The following TEX10 variants were observed in gnomAD, a reference collection of about 807,000 sequenced individuals.
TEX10 encodes testis-expressed protein 10.
TEX10 carries 24 observed loss-of-function variants against 104.4 expected under a neutral mutation model. The observed-to-expected ratio is 0.23, with a 90% CI of 0.17 to 0.32. TEX10 has a LOEUF of 0.32. Ranked by LOEUF, TEX10 falls within the 10% of genes least tolerant of loss-of-function variation. The probability of loss-of-function intolerance (pLI) is 1.00; values close to 1 mark genes in which losing one functional copy is unlikely to be tolerated. For missense variants in TEX10, 921 were observed against 1,083.9 expected, an observed-to-expected ratio of 0.85 and a Z score of 2.11; for synonymous variants, 396 against 393.4, an observed-to-expected ratio of 1.01 and a Z score of -0.08.
Position 100,352,933 on chromosome 9 carries a change from G to T in TEX10, c.-171C>A. 1 of 991,692 alleles carries T rather than the reference G, an allele frequency of 1.0e-6. No homozygotes were observed. The highest frequency in any genetic ancestry group is 1.2e-6 in the Non-Finnish European group (1 of 834,640). The allele number at this position is 991,692 out of a possible 1,614,324, so 61.4% of individuals were successfully genotyped here. On this transcript the variant is annotated 5_prime_UTR_variant, in exon 1 of 15. Coordinates refer to ENST00000374902, the MANE Select transcript of TEX10 (RefSeq NM_017746.4). Reference sequence around the variant, plus strand: ...GCGGCCGCGTCTCCTTCCGCCGCCCGGAAATCAGGGCCCCTCCCCCTCCCT... The same window carrying T: ...GCGGCCGCGTCTCCTTCCGCCGCCCTGAAATCAGGGCCCCTCCCCCTCCCT...
Position 100,302,158 on chromosome 9 carries a change from AAAC to A in TEX10, c.*30_*32del, listed in dbSNP as rs748189853. 1.0e-5 allele frequency: 13 copies of A among 1,300,674 alleles called. No homozygotes were observed. In the African/African-American group the frequency reaches 1.9e-4, roughly 19 times the overall value. 80.6% of individuals were successfully genotyped at this position (1,300,674 alleles called of 1,614,324 possible). The stretch of plus-strand genomic sequence containing the variant: ...TTCTTCAAATAAGATAGATGTGAAT[AAAC>A]AACTTCAAACAGGAGGTACTATGGC... On this transcript the variant is annotated 3_prime_UTR_variant, in exon 15 of 15. Coordinates refer to ENST00000374902, the MANE Select transcript of TEX10 (RefSeq NM_017746.4).
chr9:100,340,773 T>C (rs1282377162), intron 4 of TEX10, among the ~76,000 whole-genome samples: 1 of 152,266 alleles, frequency 6.6e-6, no homozygotes, highest in Non-Finnish European at 1.5e-5. Flanking sequence ...GCAATGCATT[T>C]ACTTAAAATG....
chr9:100,337,319 T>C (rs796863975), intron 5 of TEX10, among the ~76,000 whole-genome samples: 1 of 152,362 alleles, frequency 6.6e-6, no homozygotes, highest in East Asian at 1.9e-4. Context: ...GATACATTTT[T>C]CAATAATTTA....
At chr9:100,332,872 A>G (rs1471478412) in intron 5 of TEX10, among the ~76,000 whole-genome samples, 1 of 152,096 alleles carries the variant, frequency 6.6e-6, no homozygotes, top group African/African-American at 2.4e-5. Context: ...TCCAGCACTC[A>G]AGGTTTAGTC....
At chr9:100,324,028 C>T (rs1218915840) in intron 9 of TEX10, among the ~76,000 whole-genome samples, 1 of 152,006 alleles carries the variant, frequency 6.6e-6, no homozygotes, top group African/African-American at 2.4e-5. Flanking sequence ...TCTGAATGAA[C>T]TAACCGTCAG....
At chr9:100,329,001 C>A in intron 7 of TEX10, 139 bp downstream of exon 7, 1 of 955,784 alleles carries the variant, frequency 1.0e-6, no homozygotes, top group Non-Finnish European at 1.5e-6. Flanking sequence ...AAATTTTATA[C>A]CATTTCTTAA....
At chr9:100,307,679 T>C (rs1372449281) in intron 13 of TEX10, 1 of 152,144 alleles carries the variant, frequency 6.6e-6, no homozygotes, top group African/African-American at 2.4e-5. Context: ...GAGGGGTACG[T>C]AGAAGACATT....
At chr9:100,332,639 G>C (rs889310551) in intron 5 of TEX10, among the ~76,000 whole-genome samples, 2 of 151,964 alleles carry the variant, frequency 1.3e-5, no homozygotes, top group Admixed American at 6.6e-5. Flanking sequence ...GGCTAACACG[G>C]TGAAACCCCA....
chr9:100,311,175 C>G (rs977817121), intron 11 of TEX10, among the ~76,000 whole-genome samples: 2 of 151,838 alleles, frequency 1.3e-5, no homozygotes, highest in Non-Finnish European at 2.9e-5. Flanking sequence ...GGTGGGAGGA[C>G]TGCTCAAGCC....
At position 100,313,617 on chromosome 9, in the gene TEX10, G is replaced by A. The variant is rs192857471; in HGVS notation, c.2203-3238C>T. Among the ~76,000 whole-genome samples the A allele has an allele frequency of 2.6e-5, 4 of 152,172 alleles. No individual in the cohort carries two copies. The East Asian group carries it at 7.7e-4, about 29-fold the overall frequency. On this transcript the variant is annotated intron_variant, in intron 11 of 14. Transcript: ENST00000374902. ...TAATTCCAGCACTTTGGGAGGCCAA[G>A]GCAGGCAGATCACTTGAGGTCAGGA... is the stretch of plus-strand genomic sequence containing the variant.
At chr9:100,322,349 C>G (rs1164655394) in intron 9 of TEX10, among the ~76,000 whole-genome samples, 1 of 152,172 alleles carries the variant, frequency 6.6e-6, no homozygotes, top group Non-Finnish European at 1.5e-5. Flanking sequence ...TGTAAAGCAG[C>G]TTCCCATTAA....
In TEX10 at chr9:100,321,724, C is replaced by T; in HGVS notation, c.2027G>A (p.Ser676Asn). 1 of 1,612,650 alleles carries T rather than the reference C, an allele frequency of 6.2e-7. No homozygotes were observed. The highest frequency in any genetic ancestry group is 8.5e-7 in the Non-Finnish European group (1 of 1,179,716). ...TAAGAAGCTGAAATAGTCTACATCA[C>T]TCATCAACCAGTCTTTAGCTGAATA... ...WKYSAKDWLM[S>N]DVDYFSFLFS... Residue 676 changes from serine to asparagine, a missense_variant, in exon 10 of 15, where the codon AGT becomes AAT. Ser to Asn is a conservative substitution (Grantham distance 46). Coordinates refer to ENST00000374902, the MANE Select transcript of TEX10 (RefSeq NM_017746.4).
intron 5 of TEX10, among the ~76,000 whole-genome samples, chr9:100,336,115 T>C (rs28464821): frequency 0.45 from 68,954 of 151,754 alleles, 17,354 homozygotes; most frequent in East Asian, 0.89. Context: ...TGCAGTGAGC[T>C]GAGATAGTGC....
intron 11 of TEX10, 122 bp from the exon 12 acceptor site, chr9:100,310,501 C>T: frequency 2.3e-6 from 2 of 865,176 alleles, no homozygotes; most frequent in East Asian, 2.8e-5. Context: ...TGCAGTGATG[C>T]AGTCTCAGCT....
rs748290674 is a variant in TEX10 at position 100,326,313 on chromosome 9, T to C, written c.1968A>G (p.Ile656Met). The change falls in exon 9 of 15, where the codon ATA (isoleucine) becomes ATG (methionine). Residue 656 changes from isoleucine (I) to methionine (M), a missense_variant. Physicochemically the swap from Ile to Met is conservative, Grantham distance 10 (BLOSUM62 1). Transcript: ENST00000374902. ...CTTGAGCATGCTACCTCATGTGCAG[T>C]ATCCCGATAAGCATGGCAGCCAAAC... The part of the protein sequence containing the change: ...SSSLAAMLIG[I>M]LHMRSSFSGW... 1.9e-6 allele frequency: 3 copies of C among 1,613,714 alleles called. No homozygotes were observed. In the East Asian group the frequency reaches 6.7e-5, roughly 36 times the overall value.
intron 7 of TEX10, among the ~76,000 whole-genome samples, chr9:100,328,565 T>G (rs1473457531): frequency 6.6e-6 from 1 of 152,224 alleles, no homozygotes; most frequent in African/African-American, 2.4e-5. Flanking sequence ...ATTGAGATTA[T>G]GTAAAGTAAC....
chr9:100,303,633 G>A lies in TEX10; in HGVS notation c.2675C>T (p.Thr892Met), dbSNP rs371930194. The change falls in exon 14 of 15, where the codon ACG becomes ATG. Residue 892 changes from threonine to methionine, a missense_variant and splice_region_variant. Thr to Met is a moderately conservative substitution (Grantham distance 81). This residue lies in a region of TEX10 where 753 missense variants were observed against 868.4 expected (regional missense o/e 0.87). Coordinates refer to ENST00000374902, the MANE Select transcript of TEX10 (RefSeq NM_017746.4). ...AGCCTCCGGTACCATGCTTCTTACC[G>A]TGATATTCTTGATGATCTGCTGCAC... ...ILVQQIIKNI[T>M]TLKSGSVQEQ... 2.4e-5 allele frequency: 39 copies of A among 1,613,604 alleles called. No individual in the cohort carries two copies. The highest frequency in any genetic ancestry group is 3.1e-5 in the Non-Finnish European group (36 of 1,179,950).
intron 13 of TEX10, chr9:100,306,017 C>A (rs1268752500): frequency 1.3e-5 from 2 of 151,930 alleles, no homozygotes; most frequent in Admixed American, 6.6e-5. Flanking sequence ...ATGGAACTAA[C>A]AAGAACTTTA....
Position 100,347,422 on chromosome 9 carries a change from C to A in TEX10, c.181-16G>T, listed in dbSNP as rs541118737. 6.5e-7 allele frequency: 1 copy of A among 1,535,020 alleles called. No individual in the cohort carries two copies. The highest frequency in any genetic ancestry group is 2.3e-5 in the East Asian group (1 of 44,312). ...ACAGCAAATCCTATAAATAAAAATA[C>A]AAATTTTAGATGTATACTTATATAC... On this transcript the variant is annotated splice_polypyrimidine_tract_variant and intron_variant, in intron 2 of 14. Coordinates refer to ENST00000374902, the MANE Select transcript of TEX10 (RefSeq NM_017746.4).
Sources: gnomAD v4.1 joint callset for allele counts (sites outside exome capture counted in the v4.1 genomes callset) on GRCh38, gnomAD v4.1.1 for gene constraint, gnomAD v4.1.1 regional missense constraint, MANE v1.5 for transcripts, NCBI Gene and HGNC (gene_info 2026-07-23, HGNC 2026-07-21) for gene names.